The following STAB2 variants were observed in gnomAD, a reference collection of about 807,000 sequenced individuals.
STAB2 encodes stabilin-2.
A neutral mutation model predicts 338.1 loss-of-function variants in STAB2; 288 were observed. That is an observed-to-expected ratio of 0.85 (90% CI 0.77 to 0.94). The LOEUF (loss-of-function observed/expected upper bound fraction) is 0.94. Among genes scored for constraint, STAB2 ranks in the 40% least tolerant of loss-of-function variants. STAB2 has a pLI of 0.00. For synonymous variants in STAB2, 1,202 were observed against 1,193.3 expected, an observed-to-expected ratio of 1.01 and a Z score of -0.15; for missense variants, 3,141 against 3,210.1, an observed-to-expected ratio of 0.98 and a Z score of 0.52.
At chr12:103,690,082 C>A (rs546546293) in intron 29 of STAB2, 100 bp downstream of exon 29, 16 of 1,484,098 alleles carry the variant, frequency 1.1e-5, no homozygotes, top group Non-Finnish European at 1.5e-5. Flanking sequence ...CCTTCAAATT[C>A]GTGGAGCTGA....
At chr12:103,722,082 CAG>C (rs1158446460) in intron 44 of STAB2, among the ~76,000 whole-genome samples, 8 of 152,044 alleles carry the variant, frequency 5.3e-5, no homozygotes, top group African/African-American at 1.9e-4. Flanking sequence ...GAGATCATGA[CAG>C]AGGTACAAAC....
At chr12:103,667,927 C>T (rs980587718) in intron 19 of STAB2, among the ~76,000 whole-genome samples, 5 of 152,228 alleles carry the variant, frequency 3.3e-5, no homozygotes, top group African/African-American at 1.2e-4. Context: ...GGCTACATGA[C>T]TGTGATCCTA....
chr12:103,744,928 T>C (rs1882898584), intron 56 of STAB2, among the ~76,000 whole-genome samples: 1 of 152,232 alleles, frequency 6.6e-6, no homozygotes. Flanking sequence ...TCTGAGACTG[T>C]AAGCCCCATG....
chr12:103,660,105 A>C (rs922651384), intron 15 of STAB2, among the ~76,000 whole-genome samples: 1 of 152,210 alleles, frequency 6.6e-6, no homozygotes, highest in East Asian at 1.9e-4. Context: ...GGCTGTTGGG[A>C]GGATTAAATG....
chr12:103,600,578 T>C (rs1956939149), intron 3 of STAB2, among the ~76,000 whole-genome samples: 2 of 152,126 alleles, frequency 1.3e-5, no homozygotes. Context: ...CACTATCTCA[T>C]TGGAGGTCAG....
intron 8 of STAB2, among the ~76,000 whole-genome samples, chr12:103,638,957 A>G (rs1957596670): frequency 6.6e-6 from 1 of 152,226 alleles, no homozygotes; most frequent in African/African-American, 2.4e-5. Flanking sequence ...CCTGGATGCT[A>G]GCTGATGGGA....
intron 68 of STAB2, chr12:103,765,891 T>A: frequency 2.8e-6 from 1 of 355,528 alleles, no homozygotes; most frequent in Non-Finnish European, 5.5e-6. Context: ...CCACCACTGG[T>A]TCAAGATGAA....
intron 9 of STAB2, 101 bp from the exon 10 acceptor site, chr12:103,648,589 G>A: frequency 6.8e-7 from 1 of 1,477,024 alleles, no homozygotes. Flanking sequence ...TTCAACCCTG[G>A]GCATCCTTTG....
chr12:103,601,289 G>A (rs1375849417), intron 3 of STAB2, among the ~76,000 whole-genome samples: 2 of 152,182 alleles, frequency 1.3e-5, no homozygotes, highest in Non-Finnish European at 2.9e-5. Context: ...AAAAAAGGGG[G>A]AGTCAAGAAA....
chr12:103,762,179 C>A, intron 66 of STAB2, 95 bp from the exon 67 acceptor site: 1 of 1,529,380 alleles, frequency 6.5e-7, no homozygotes, highest in Non-Finnish European at 8.8e-7. Context: ...TATTTTTATC[C>A]CCACTGGCTC....
At chr12:103,667,389 A>G (rs1290508411) in intron 19 of STAB2, among the ~76,000 whole-genome samples, 1 of 152,180 alleles carries the variant, frequency 6.6e-6, no homozygotes, top group Non-Finnish European at 1.5e-5. Flanking sequence ...AGGTGGGTAT[A>G]TTATCACCAT....
Position 103,748,852 on chromosome 12 carries a change from G to C in STAB2, c.6245-111G>C, listed in dbSNP as rs957013042. 1.3e-5 allele frequency: 15 copies of C among 1,122,698 alleles called. 2 individuals are homozygous for C. The highest frequency in any genetic ancestry group is 5.3e-5 in the Admixed American group (2 of 37,476). 69.5% of individuals were successfully genotyped at this position (1,122,698 alleles called of 1,614,324 possible). A position where few individuals can be genotyped will look rare whatever the true frequency, so the allele number is the denominator to read the frequency against. ...GGAGAGAGAAGCACGAACACGCAGGGGCCCATTTACTCACCCAACACCACT... is the reference window on the plus strand; with the variant it reads ...GGAGAGAGAAGCACGAACACGCAGGCGCCCATTTACTCACCCAACACCACT... On this transcript the variant is annotated intron_variant, in intron 58 of 68. Coordinates refer to ENST00000388887, the MANE Select transcript of STAB2 (RefSeq NM_017564.10).
At position 103,637,104 on chromosome 12, in the gene STAB2, T is replaced by C. The variant is rs1190109700; in HGVS notation, c.584-7T>C. 1 of 1,595,006 alleles carries C rather than the reference T, an allele frequency of 6.3e-7. No homozygotes were observed. The highest frequency in any genetic ancestry group is 1.4e-5 in the African/African-American group (1 of 73,890). ...AATGCAAGTACTTCAACAATTTTCC[T>C]ATGCAGCCATCCCTGAATGTGCAGC... On this transcript the variant is annotated splice_region_variant and splice_polypyrimidine_tract_variant and intron_variant, in intron 6 of 68. Transcript: ENST00000388887.
At chr12:103,658,411 G>C (rs909429061) in intron 15 of STAB2, among the ~76,000 whole-genome samples, 5 of 152,184 alleles carry the variant, frequency 3.3e-5, no homozygotes, top group African/African-American at 1.2e-4. Context: ...ATCTCAGCCA[G>C]ATAAGACACA....
chr12:103,646,252 A>G (rs919448369), intron 9 of STAB2, among the ~76,000 whole-genome samples: 23 of 152,172 alleles, frequency 1.5e-4, no homozygotes, highest in Non-Finnish European at 2.8e-4. Context: ...GCTGTCCCCT[A>G]TTTCTCCAGG....
At position 103,739,572 on chromosome 12, in the gene STAB2, T is replaced by TGCGC. The variant is rs1555251326; in HGVS notation, c.5754+106_5754+107insGCGC. ...GTGTGTGTGTGTGTGTGTGTGTGTG[T>TGCGC]GCCCGTGCACGTATGTTGCATAAAT... is the stretch of plus-strand genomic sequence containing the variant. On this transcript the variant is annotated intron_variant, in intron 54 of 68. Coordinates refer to ENST00000388887, the MANE Select transcript of STAB2 (RefSeq NM_017564.10). The TGCGC allele has an allele frequency of 2.1e-4, 154 of 735,792 alleles. 1 individual carries two copies. Among genetic ancestry groups the TGCGC allele is most frequent in the African/African-American group, 1.9e-3 (93 of 49,916 alleles). 45.6% of individuals were successfully genotyped at this position (735,792 alleles called of 1,614,324 possible). A position where few individuals can be genotyped will look rare whatever the true frequency, so the allele number is the denominator to read the frequency against.
In STAB2 at chr12:103,704,577, C is replaced by A; in HGVS notation, c.3863C>A (p.Ser1288Tyr). The change falls in exon 36 of 69, where the codon TCC becomes TAC. Residue 1288 changes from serine to tyrosine, a missense_variant. Physicochemically the swap from Ser to Tyr is moderately radical, Grantham distance 144. Coordinates refer to ENST00000388887, the MANE Select transcript of STAB2 (RefSeq NM_017564.10). ...ACCAAGGGAAGATGTAGGACATGCT[C>A]CTCAGAGCTGACCTGCCCATTCGGA... is the stretch of plus-strand genomic sequence containing the variant. Reference protein sequence around the residue: ...TIIRGRCRTCSSELTCPFGTK... With the variant: ...TIIRGRCRTCYSELTCPFGTK... 1 of 1,613,732 alleles carries A rather than the reference C, an allele frequency of 6.2e-7. No homozygotes were observed. Among genetic ancestry groups the A allele is most frequent in the South Asian group, 1.1e-5 (1 of 90,950 alleles).
intron 53 of STAB2, among the ~76,000 whole-genome samples, 166 bp from the exon 54 acceptor site, chr12:103,739,246 G>C (rs554024634): frequency 6.6e-6 from 1 of 151,862 alleles, no homozygotes; most frequent in African/African-American, 2.4e-5. Flanking sequence ...CAAAGTGCTA[G>C]GATTACAGGT....
In STAB2 at chr12:103,725,101, C is replaced by T. The variant is rs375220916; in HGVS notation, c.4803+7C>T. The T allele has an allele frequency of 7.8e-5, 126 of 1,608,448 alleles. No individual in the cohort carries two copies. In the Admixed American group the frequency reaches 1.9e-3, roughly 24 times the overall value. The stretch of plus-strand genomic sequence containing the variant: ...CCGCGGCAGCATTTATCAGGTAACG[C>T]GAGACATGTTTCCATCAAGTAAACT... On this transcript the variant is annotated splice_region_variant and intron_variant, in intron 45 of 68. Transcript: ENST00000388887.
Sources: allele counts gnomAD v4.1 joint callset (sites outside exome capture counted in the v4.1 genomes callset), GRCh38; gene constraint gnomAD v4.1.1; transcripts MANE v1.5; gene names NCBI Gene and HGNC (gene_info 2026-07-23, HGNC 2026-07-21).